The following ATIC variants were observed in gnomAD, a reference collection of about 807,000 sequenced individuals.
The protein encoded by ATIC is 5-aminoimidazole-4-carboxamide ribonucleotide formyltransferase/IMP cyclohydrolase.
Under a neutral mutation model 72.5 loss-of-function variants are expected in ATIC, and 64 were observed. The observed-to-expected ratio is 0.88, with a 90% CI of 0.72 to 1.09. ATIC has a LOEUF of 1.09. Ranked by LOEUF, ATIC falls within the 50% of genes least tolerant of loss-of-function variation. The pLI, the probability that ATIC is intolerant of heterozygous loss-of-function variation, is 0.00. For synonymous variants in ATIC, 281 were observed against 267.1 expected (o/e 1.05, Z -0.51); for missense variants, 787 against 732.4 (o/e 1.07, Z -0.86).
chr2:215,348,982 AAAAAC>A, intron 14 of ATIC, 107 bp from the exon 15 acceptor site: 3 of 950,706 alleles, frequency 3.2e-6, no homozygotes. Flanking sequence ...TAATAATAAT[AAAAAC>A]AAGTCCTAAG....
At chr2:215,334,189 C>CTT (rs551274501) in intron 9 of ATIC, among the ~76,000 whole-genome samples, 15,145 of 100,324 alleles carry the variant, frequency 0.15, 2,035 homozygotes, top group South Asian at 0.28. Flanking sequence ...AAAAGCTATT[C>CTT]TTTTTTTTTT....
At chr2:215,352,307 C>T (rs575016067), downstream of ATIC, among the ~76,000 whole-genome samples, 262 of 152,208 alleles carry the variant, frequency 1.7e-3, 2 homozygotes, top group African/African-American at 6.1e-3. Context: ...ATAGGCCGGG[C>T]ATGGTGGTTC....
chr2:215,314,398 T>C (rs2052687213), intron 2 of ATIC, among the ~76,000 whole-genome samples: 1 of 152,222 alleles, frequency 6.6e-6, no homozygotes, highest in African/African-American at 2.4e-5. Flanking sequence ...AACAACTTTT[T>C]AGTTTAGGTA....
intron 1 of ATIC, 147 bp from the exon 2 acceptor site, chr2:215,312,351 C>T (rs2052662250): frequency 6.6e-7 from 1 of 1,524,268 alleles, no homozygotes; most frequent in Non-Finnish European, 9.0e-7. Flanking sequence ...GGTGTAAGAC[C>T]TGGGGAGGCC....
At chr2:215,326,713 C>G (rs1163167488) in intron 6 of ATIC, 109 bp from the exon 7 acceptor site, 2 of 1,353,640 alleles carry the variant, frequency 1.5e-6, no homozygotes, top group Non-Finnish European at 2.1e-6. Flanking sequence ...GCAGCCACCA[C>G]ATAGCACTGA....
At chr2:215,312,223 T>G in intron 1 of ATIC, 62 bp downstream of exon 1, 3 of 1,457,964 alleles carry the variant, frequency 2.1e-6, no homozygotes, top group Non-Finnish European at 2.7e-6. Context: ...CGCTCCCGCC[T>G]TGGCGGCGGC....
the ATIC span, among the ~76,000 whole-genome samples, chr2:215,356,613 C>T: frequency 2.0e-5 from 3 of 152,182 alleles, no homozygotes; most frequent in Non-Finnish European, 2.9e-5. Context: ...TGTCCATTTC[C>T]CCTTCGCCCC....
At position 215,325,452 on chromosome 2, in the gene ATIC, T is replaced by G. The variant is rs1162324806; in HGVS notation, c.379+123T>G. ...AAAATAGCTACTTCTGGATTGTGTT[T>G]TGGGATTACTATAATTCATTTATAT... On this transcript the variant is annotated intron_variant, in intron 5 of 15. Coordinates refer to ENST00000236959, the MANE Select transcript of ATIC (RefSeq NM_004044.7). The G allele has an allele frequency of 9.5e-6, 7 of 738,910 alleles. No homozygotes were observed. In the Admixed American group the frequency reaches 1.3e-4, roughly 13 times the overall value. The allele number at this position is 738,910 out of a possible 1,614,324, so 45.8% of individuals were successfully genotyped here.
At chr2:215,334,564 A>T (rs1240394973) in intron 9 of ATIC, among the ~76,000 whole-genome samples, 1 of 152,186 alleles carries the variant, frequency 6.6e-6, no homozygotes, top group East Asian at 1.9e-4. Flanking sequence ...TAACCCATGA[A>T]TATCCCTTTA....
the ATIC span, among the ~76,000 whole-genome samples, chr2:215,365,966 A>ATTT: frequency 2.8e-3 from 255 of 90,330 alleles, 1 homozygote; most frequent in African/African-American, 5.4e-3. Flanking sequence ...CCACAGTGCT[A>ATTT]TTTTTTTTTT....
At chr2:215,358,978 G>T in the ATIC span, among the ~76,000 whole-genome samples, 1 of 152,164 alleles carries the variant, frequency 6.6e-6, no homozygotes, top group Non-Finnish European at 1.5e-5. Context: ...CGCCTCCTGG[G>T]TTCAAACGAT....
chr2:215,341,440 G>GGTA (rs1379056074), intron 12 of ATIC, among the ~76,000 whole-genome samples: 20 of 152,082 alleles, frequency 1.3e-4, no homozygotes, highest in African/African-American at 4.8e-4. Flanking sequence ...TTATAAGAGT[G>GGTA]GTAGGTATGA....
At chr2:215,367,549 A>G in the ATIC span, 942 of 388,840 alleles carry the variant, frequency 2.4e-3, 6 homozygotes, top group African/African-American at 0.018. Context: ...ATACTCTTAA[A>G]TAGACCTGGT....
chr2:215,325,186 G>A, intron 4 of ATIC, 55 bp from the exon 5 acceptor site: 3 of 1,389,240 alleles, frequency 2.2e-6, no homozygotes, highest in Admixed American at 1.7e-5. Context: ...CTAGATAGCT[G>A]TAAACCACAT....
intron 7 of ATIC, among the ~76,000 whole-genome samples, chr2:215,330,625 C>A (rs764254345): frequency 3.3e-5 from 5 of 152,240 alleles, no homozygotes; most frequent in Admixed American, 6.5e-5. Context: ...AGTTTCAATG[C>A]CCTAAAACTC....
chr2:215,355,768 G>T, the ATIC span, among the ~76,000 whole-genome samples: 102 of 152,198 alleles, frequency 6.7e-4, no homozygotes, highest in Non-Finnish European at 1.0e-3. Flanking sequence ...GGTCAAGAAG[G>T]AGATTTTGCT....
At chr2:215,324,107 C>T (rs989151042) in intron 4 of ATIC, among the ~76,000 whole-genome samples, 10 of 151,918 alleles carry the variant, frequency 6.6e-5, no homozygotes, top group Non-Finnish European at 1.2e-4. Context: ...ATATTGGCCA[C>T]GCTGGTCTCG....
At chr2:215,320,444 C>T (rs1377273649) in intron 4 of ATIC, among the ~76,000 whole-genome samples, 1 of 152,168 alleles carries the variant, frequency 6.6e-6, no homozygotes, top group East Asian at 1.9e-4. Context: ...GCATCAACTT[C>T]TGGTGAGGGC....
intron 12 of ATIC, among the ~76,000 whole-genome samples, chr2:215,340,134 A>G (rs1049029108): frequency 6.6e-6 from 1 of 152,136 alleles, no homozygotes; most frequent in Non-Finnish European, 1.5e-5. Flanking sequence ...ATGTTTTTAT[A>G]TAGACAAGTT....
Sources: gnomAD v4.1 joint callset for allele counts (sites outside exome capture counted in the v4.1 genomes callset) on GRCh38, gnomAD v4.1.1 for gene constraint, MANE v1.5 for transcripts, NCBI Gene and HGNC (gene_info 2026-07-23, HGNC 2026-07-21) for gene names.